Variants in R3HDM2 observed in about 807,000 individuals in gnomAD.
R3HDM2 encodes R3H domain-containing protein 2.
A neutral mutation model predicts 124.5 loss-of-function variants in R3HDM2; 38 were observed. The observed-to-expected ratio is 0.31, with a 90% CI of 0.24 to 0.40. The LOEUF is 0.40. Ranked by LOEUF, R3HDM2 falls within the 10% of genes least tolerant of loss-of-function variation. The pLI is 1.00. For missense variants in R3HDM2, 869 were observed against 1,236.9 expected, an observed-to-expected ratio of 0.70 and a Z score of 4.46; for synonymous variants, 391 against 448.0, an observed-to-expected ratio of 0.87 and a Z score of 1.61.
At chr12:57,400,349 C>T (rs1490019044) in intron 1 of R3HDM2, among the ~76,000 whole-genome samples, 4 of 151,704 alleles carry the variant, frequency 2.6e-5, no homozygotes, top group South Asian at 2.1e-4. Flanking sequence ...CACCAAACAC[C>T]GCATGTTCTC....
At chr12:57,382,917 C>G (rs949868563) in intron 2 of R3HDM2, among the ~76,000 whole-genome samples, 3 of 152,016 alleles carry the variant, frequency 2.0e-5, no homozygotes, top group Admixed American at 2.0e-4. Flanking sequence ...GTTGCCCAGT[C>G]TGGAGTGCAA....
In R3HDM2 at chr12:57,285,186, C is replaced by G. The variant is rs181181833; in HGVS notation, c.939-1130G>C. Among the ~76,000 whole-genome samples, 21 of 152,290 alleles carry G rather than the reference C, an allele frequency of 1.4e-4. No homozygotes were observed. The East Asian group carries it at 4.0e-3, about 29-fold the overall frequency. Reference sequence around the variant, plus strand: ...AATAGGAAACCCCATTCCAATCCCACTGGTTCCAAAGGCACTAGGCTCAGA... The same window carrying G: ...AATAGGAAACCCCATTCCAATCCCAGTGGTTCCAAAGGCACTAGGCTCAGA... On this transcript the variant is annotated intron_variant, in intron 12 of 23. Coordinates refer to ENST00000402412, the MANE Select transcript of R3HDM2 (RefSeq NM_001394031.1).
At chr12:57,358,299 T>G (rs539613864) in intron 2 of R3HDM2, among the ~76,000 whole-genome samples, 1 of 152,202 alleles carries the variant, frequency 6.6e-6, no homozygotes, top group South Asian at 2.1e-4. Context: ...ATTTAGGATT[T>G]AAATACACAA....
At chr12:57,276,208 TAAAAAA>T (rs1263227424) in intron 14 of R3HDM2, among the ~76,000 whole-genome samples, 1 of 105,356 alleles carries the variant, frequency 9.5e-6, no homozygotes, top group African/African-American at 3.7e-5. Flanking sequence ...AGACTCCATC[TAAAAAA>T]AAAAAAAAAA....
intron 19 of R3HDM2, among the ~76,000 whole-genome samples, chr12:57,265,193 A>G (rs1304533472): frequency 6.6e-6 from 1 of 152,240 alleles, no homozygotes; most frequent in Non-Finnish European, 1.5e-5. Flanking sequence ...TTGAAGACTC[A>G]GTATGGGATG....
At chr12:57,271,368 T>A (rs533944001) in intron 14 of R3HDM2, among the ~76,000 whole-genome samples, 1 of 152,288 alleles carries the variant, frequency 6.6e-6, no homozygotes, top group East Asian at 1.9e-4. Context: ...TGGTGTTCCA[T>A]CTCTCACTCA....
Position 57,258,031 on chromosome 12 carries a change from G to T in R3HDM2, c.2408C>A (p.Pro803His). Residue 803 changes from proline to histidine, a missense_variant, in exon 21 of 24, where the codon CCT becomes CAT. By Grantham distance (77) the Pro-to-His change is moderately conservative. Coordinates refer to ENST00000402412, the MANE Select transcript of R3HDM2 (RefSeq NM_001394031.1). ...SSVCTGLSPL[P>H]VLTQFPRPGG... ...AGGCCGGGGGAACTGTGTGAGGACA[G>T]GCAGGGGACTGAGTCCTGTGCAGAC... 2 of 1,591,764 alleles carry T rather than the reference G, an allele frequency of 1.3e-6. No homozygotes were observed. The highest frequency in any genetic ancestry group is 1.1e-5 in the South Asian group (1 of 88,032).
chr12:57,382,659 A>G (rs1400381732), intron 2 of R3HDM2, among the ~76,000 whole-genome samples: 7 of 150,086 alleles, frequency 4.7e-5, no homozygotes, highest in Non-Finnish European at 8.9e-5. Context: ...ACACAGTGAA[A>G]CCCTGTCTCT....
intron 1 of R3HDM2, among the ~76,000 whole-genome samples, chr12:57,401,225 G>A (rs1322969381): frequency 6.6e-6 from 1 of 150,652 alleles, no homozygotes; most frequent in Non-Finnish European, 1.5e-5. Context: ...CCTTGAATAT[G>A]AGCTGGCCTT....
At chr12:57,351,861 C>T (rs78355019) in intron 2 of R3HDM2, among the ~76,000 whole-genome samples, 8,906 of 152,030 alleles carry the variant, frequency 0.059, 752 homozygotes, top group African/African-American at 0.19. Context: ...TATACGGATG[C>T]TCACCATCAC....
chr12:57,427,693 T>C (rs1193546182), intron 1 of R3HDM2, among the ~76,000 whole-genome samples: 1 of 151,810 alleles, frequency 6.6e-6, no homozygotes, highest in Admixed American at 6.6e-5. Context: ...TAATACGTTA[T>C]AGGTTGATAA....
At chr12:57,429,207 C>A (rs1868946136) in intron 1 of R3HDM2, among the ~76,000 whole-genome samples, 1 of 150,580 alleles carries the variant, frequency 6.6e-6, no homozygotes, top group Admixed American at 6.6e-5. Context: ...GGCAACATAG[C>A]AAGATCCCAT....
chr12:57,280,295 CG>C (rs2045830422), intron 14 of R3HDM2, 62 bp downstream of exon 14: 1 of 1,507,874 alleles, frequency 6.6e-7, no homozygotes, highest in African/African-American at 1.4e-5. Context: ...AGAGACATGA[CG>C]GTACATCTAA....
chr12:57,265,489 T>C (rs2042096714), intron 19 of R3HDM2, among the ~76,000 whole-genome samples: 1 of 150,136 alleles, frequency 6.7e-6, no homozygotes, highest in Non-Finnish European at 1.5e-5. Flanking sequence ...CCCAAAGGCA[T>C]GTGAGTATAG....
At chr12:57,369,369 C>G (rs191803007) in intron 2 of R3HDM2, among the ~76,000 whole-genome samples, 1 of 152,090 alleles carries the variant, frequency 6.6e-6, no homozygotes, top group Non-Finnish European at 1.5e-5. Context: ...TAAACTGATG[C>G]GAACTCAATT....
intron 19 of R3HDM2, among the ~76,000 whole-genome samples, chr12:57,260,838 G>T (rs573833217): frequency 6.6e-6 from 1 of 152,150 alleles, no homozygotes; most frequent in African/African-American, 2.4e-5. Context: ...TGGGAAGTGA[G>T]CGTGATTGTT....
intron 2 of R3HDM2, among the ~76,000 whole-genome samples, chr12:57,360,749 C>T (rs549161172): frequency 6.6e-6 from 1 of 152,190 alleles, no homozygotes; most frequent in East Asian, 1.9e-4. Context: ...TATATGGATG[C>T]AGGATTGCTT....
chr12:57,364,545 A>G (rs1162303873), intron 2 of R3HDM2, among the ~76,000 whole-genome samples: 1 of 152,132 alleles, frequency 6.6e-6, no homozygotes, highest in Non-Finnish European at 1.5e-5. Context: ...GTTTCTCCCA[A>G]GGGCTCTCTC....
At position 57,268,484 on chromosome 12, in the gene R3HDM2, T is replaced by G. The variant is rs753774791; in HGVS notation, c.1876-27A>C. 11 of 1,611,992 alleles carry G rather than the reference T, an allele frequency of 6.8e-6. No homozygotes were observed. The South Asian group carries it at 1.2e-4, about 18-fold the overall frequency. On this transcript the variant is annotated intron_variant, in intron 17 of 23. Transcript: ENST00000402412. ...TGGGTGAGAAAGAGAAGAGAAAGAA[T>G]CACATTCGCATTCACATTGAGCTCA...
Sources: gnomAD v4.1 joint callset for allele counts (sites outside exome capture counted in the v4.1 genomes callset) on GRCh38, gnomAD v4.1.1 for gene constraint, MANE v1.5 for transcripts, NCBI Gene and HGNC (gene_info 2026-07-23, HGNC 2026-07-21) for gene names.